RSPH1: variants seen among roughly 807,000 people sequenced by gnomAD.
The protein encoded by RSPH1 is radial spoke head 1 homolog.
A neutral mutation model predicts 44.2 loss-of-function variants in RSPH1; 32 were observed. The ratio of observed to expected loss-of-function variants is 0.72; its 90% CI spans 0.55 to 0.97. The LOEUF is 0.97. Among genes scored for constraint, RSPH1 ranks in the 50% least tolerant of loss-of-function variants. The probability of loss-of-function intolerance (pLI) is 0.00; values close to 1 mark genes in which losing one functional copy is unlikely to be tolerated. For synonymous variants in RSPH1, 134 were observed against 147.3 expected (o/e 0.91, Z 0.65); for missense variants, 391 against 398.7 (o/e 0.98, Z 0.16).
chr21:42,482,750 C>A, intron 5 of RSPH1, 42 bp from the exon 6 acceptor site: 1 of 1,444,764 alleles, frequency 6.9e-7, no homozygotes, highest in South Asian at 1.2e-5. Context: ...CAACACCCAG[C>A]AGAAAATACA....
rs544353144 is a variant in RSPH1, at chr21:42,474,022, T to G, written c.878-1152A>C. ...GTCCACTCGGCCCCATCTCTCCCAG[T>G]CCGGTTTTCAGGATTCCTCCTGCTC... On this transcript the variant is annotated intron_variant, in intron 8 of 8. Coordinates refer to ENST00000291536, the MANE Select transcript of RSPH1 (RefSeq NM_080860.4). The surrounding 1 kb of genome is among the most constrained non-coding windows in gnomAD (Gnocchi z 5.2). Among the ~76,000 whole-genome samples the G allele has an allele frequency of 1.3e-5, 2 of 152,156 alleles. No individual in the cohort carries two copies. The highest frequency in any genetic ancestry group is 2.9e-5 in the Non-Finnish European group (2 of 68,024).
chr21:42,477,518 G>A (rs1236851572), intron 6 of RSPH1, 74 bp from the exon 7 acceptor site: 5 of 1,512,778 alleles, frequency 3.3e-6, no homozygotes, highest in East Asian at 4.5e-5. Flanking sequence ...AGTGAGGGAG[G>A]AAGGACAAGT....
At position 42,477,033 on chromosome 21, in the gene RSPH1, C is replaced by T. The variant is rs62215895; in HGVS notation, c.727+258G>A. Reference sequence around the variant, plus strand: ...GGGATGCCCCACACCCTCTGTCCCACAGCCCGGGGGTGCCCCACACCCTCT... The same window carrying T: ...GGGATGCCCCACACCCTCTGTCCCATAGCCCGGGGGTGCCCCACACCCTCT... On this transcript the variant is annotated intron_variant, in intron 7 of 8. Coordinates refer to ENST00000291536, the MANE Select transcript of RSPH1 (RefSeq NM_080860.4). Among the ~76,000 whole-genome samples the T allele has an allele frequency of 0.11, 3,664 of 33,822 alleles. 134 individuals are homozygous for T. Among genetic ancestry groups the T allele is most frequent in the Non-Finnish European group, 0.17 (2,084 of 12,508 alleles). The allele number at this position is 33,822 out of a possible 152,430, so 22.2% of individuals were successfully genotyped here.
rs7278779 is a variant in RSPH1, at chr21:42,478,256, G to A, written c.574-812C>T. 2.8e-3 allele frequency among the ~76,000 whole-genome samples: 429 copies of A among 152,344 alleles called. 3 individuals are homozygous for A. The highest frequency in any genetic ancestry group is 9.0e-3 in the African/African-American group (376 of 41,582). On this transcript the variant is annotated intron_variant, in intron 6 of 8. Coordinates refer to ENST00000291536, the MANE Select transcript of RSPH1 (RefSeq NM_080860.4). Reference sequence around the variant, plus strand: ...TCGCTGCCACATAGGTGATAATACCGATGACAGAGAGGGGCAGACACCTGC... The same window carrying A: ...TCGCTGCCACATAGGTGATAATACCAATGACAGAGAGGGGCAGACACCTGC...
chr21:42,494,848 C>T (rs573039940), intron 1 of RSPH1, among the ~76,000 whole-genome samples: 3 of 151,984 alleles, frequency 2.0e-5, no homozygotes, highest in South Asian at 2.1e-4. Flanking sequence ...TACAGGTGCC[C>T]GCCACCATGC....
rs550676031 is a variant in RSPH1 at position 42,472,811 on chromosome 21, C to T, written c.*7G>A. On this transcript the variant is annotated 3_prime_UTR_variant, in exon 9 of 9. Coordinates refer to ENST00000291536, the MANE Select transcript of RSPH1 (RefSeq NM_080860.4). ...TATGATACGATCTCCTCTCGGCTCA[C>T]TTCATCTTAGTCCTGGAGGTCTGAC... 15 of 1,605,962 alleles carry T rather than the reference C, an allele frequency of 9.3e-6. No individual in the cohort carries two copies. The African/African-American group carries it at 2.0e-4, about 21-fold the overall frequency.
intron 3 of RSPH1, among the ~76,000 whole-genome samples, chr21:42,489,618 G>A (rs1258317993): frequency 6.6e-6 from 1 of 152,224 alleles, no homozygotes; most frequent in Admixed American, 6.5e-5. Context: ...ACACAGGAGA[G>A]AAGGAGCCCA....
chr21:42,475,190 C>A (rs1461931718), intron 8 of RSPH1, among the ~76,000 whole-genome samples: 1 of 152,216 alleles, frequency 6.6e-6, no homozygotes, highest in Non-Finnish European at 1.5e-5. Context: ...GCCCTATGAG[C>A]TGGCAGAGGC....
At chr21:42,488,543 AG>A (rs1185391065) in intron 3 of RSPH1, among the ~76,000 whole-genome samples, 1 of 152,228 alleles carries the variant, frequency 6.6e-6, no homozygotes, top group Non-Finnish European at 1.5e-5. Context: ...GCCATGTCAG[AG>A]GATCTCCAGG....
chr21:42,480,366 G>A (rs1408682228), intron 6 of RSPH1, among the ~76,000 whole-genome samples: 1 of 152,226 alleles, frequency 6.6e-6, no homozygotes, highest in East Asian at 1.9e-4. Flanking sequence ...GGAGGGCTGG[G>A]CGCAGTGGCT....
At chr21:42,476,613 C>T (rs1601624024) in intron 7 of RSPH1, among the ~76,000 whole-genome samples, 1 of 152,118 alleles carries the variant, frequency 6.6e-6, no homozygotes, top group East Asian at 1.9e-4. Flanking sequence ...CACACGGACC[C>T]TTCTTCAGGG....
chr21:42,473,531 T>C (rs1044296407), intron 8 of RSPH1, among the ~76,000 whole-genome samples: 6 of 151,062 alleles, frequency 4.0e-5, no homozygotes, highest in Non-Finnish European at 8.8e-5. Context: ...CACATTCTTA[T>C]AAGACGCTAT....
rs115727988 is a variant in RSPH1, at chr21:42,473,416, C to T, written c.878-546G>A. On this transcript the variant is annotated intron_variant, in intron 8 of 8. Coordinates refer to ENST00000291536, the MANE Select transcript of RSPH1 (RefSeq NM_080860.4). ...TGAGGCAAGAGAATCGCTTGAACCCCGTGGCAGAGGTTTCAGTGAGCCGAG... is the reference window on the plus strand; with the variant it reads ...TGAGGCAAGAGAATCGCTTGAACCCTGTGGCAGAGGTTTCAGTGAGCCGAG... 5.9e-3 allele frequency among the ~76,000 whole-genome samples: 898 copies of T among 151,486 alleles called. 10 individuals carry two copies. Among genetic ancestry groups the T allele is most frequent in the African/African-American group, 0.021 (851 of 41,168 alleles).
intron 3 of RSPH1, among the ~76,000 whole-genome samples, chr21:42,487,531 G>A (rs1323760100): frequency 6.6e-6 from 1 of 152,218 alleles, no homozygotes; most frequent in Non-Finnish European, 1.5e-5. Flanking sequence ...CAAAGGTAGA[G>A]AAAAGCTATT....
Position 42,477,272 on chromosome 21 carries a change from G to A in RSPH1, c.727+19C>T, listed in dbSNP as rs2054074869. The A allele has an allele frequency of 5.0e-6, 8 of 1,596,374 alleles. No individual in the cohort carries two copies. The highest frequency in any genetic ancestry group is 6.8e-6 in the Non-Finnish European group (8 of 1,174,750). On this transcript the variant is annotated intron_variant, in intron 7 of 8. Transcript: ENST00000291536. ...CACCCTCTGCCCCCTCCACCCCACA[G>A]CCCGGGGGTGCCCCACACTCTCAGC...
intron 3 of RSPH1, among the ~76,000 whole-genome samples, chr21:42,489,702 A>G (rs2054217314): frequency 6.6e-6 from 1 of 152,184 alleles, no homozygotes; most frequent in African/African-American, 2.4e-5. Context: ...TGGTATGTGT[A>G]ATCGCTGAAA....
chr21:42,483,994 G>A (rs780278300), intron 5 of RSPH1, among the ~76,000 whole-genome samples: 136 of 152,160 alleles, frequency 8.9e-4, no homozygotes, highest in Non-Finnish European at 1.6e-3. Flanking sequence ...TCATTGGTGT[G>A]TGTGTGTGTG....
At chr21:42,495,628 T>C (rs2054280078) in intron 1 of RSPH1, among the ~76,000 whole-genome samples, 1 of 152,342 alleles carries the variant, frequency 6.6e-6, no homozygotes, top group South Asian at 2.1e-4. Flanking sequence ...AGGATACGCC[T>C]ATAAGGTAAT....
At chr21:42,489,526 C>T (rs1001507835) in intron 3 of RSPH1, among the ~76,000 whole-genome samples, 2 of 152,194 alleles carry the variant, frequency 1.3e-5, no homozygotes, top group Admixed American at 1.3e-4. Context: ...CTCCTCCCCC[C>T]TCAAATGCTG....
Sources: gnomAD v4.1 joint callset for allele counts (sites outside exome capture counted in the v4.1 genomes callset) on GRCh38, gnomAD v4.1.1 for gene constraint, Gnocchi (gnomAD v3.1) non-coding constraint, MANE v1.5 for transcripts, NCBI Gene and HGNC (gene_info 2026-07-23, HGNC 2026-07-21) for gene names.